Variants in YARS1 observed in about 807,000 individuals in gnomAD.
YARS1 encodes tyrosine--tRNA ligase, cytoplasmic.
A neutral mutation model predicts 62.2 loss-of-function variants in YARS1; 36 were observed. The ratio of observed to expected loss-of-function variants is 0.58; its 90% CI spans 0.44 to 0.76. The LOEUF (loss-of-function observed/expected upper bound fraction) is 0.76, where lower values mean the gene tolerates loss of function less well. YARS1 is among the 30% of genes least tolerant of loss of function. The probability of loss-of-function intolerance (pLI) is 0.00; values close to 1 mark genes in which losing one functional copy is unlikely to be tolerated. For missense variants in YARS1, 524 were observed against 639.8 expected (o/e 0.82, Z 1.95); for synonymous variants, 234 against 244.9 (o/e 0.96, Z 0.42).
At chr1:32,780,973 C>T in intron 10 of YARS1, 75 bp downstream of exon 10, 1 of 1,379,908 alleles carries the variant, frequency 7.2e-7, no homozygotes, top group Admixed American at 1.7e-5. Flanking sequence ...CATCTCCAGG[C>T]CACGTTTCCT....
chr1:32,778,019 C>A (rs1652927004), intron 12 of YARS1, among the ~76,000 whole-genome samples: 1 of 151,716 alleles, frequency 6.6e-6, no homozygotes, highest in African/African-American at 2.4e-5. Context: ...GCCTAGAAAA[C>A]CAGGAAAGGA....
At chr1:32,787,119 G>A in intron 6 of YARS1, 44 bp from the exon 7 acceptor site, 1 of 1,612,400 alleles carries the variant, frequency 6.2e-7, no homozygotes, top group South Asian at 1.1e-5. Context: ...GGTTGAAAAT[G>A]AGAATATGCT....
chr1:32,778,152 C>T (rs1362156582), intron 12 of YARS1, among the ~76,000 whole-genome samples: 2 of 152,172 alleles, frequency 1.3e-5, no homozygotes, highest in African/African-American at 4.8e-5. Context: ...AAGAGTCACC[C>T]ATGAGTGTTA....
chr1:32,803,188 C>A lies in YARS1; in HGVS notation c.510+3294G>T, dbSNP rs138075733. Among the ~76,000 whole-genome samples, 226 of 151,634 alleles carry A rather than the reference C, an allele frequency of 1.5e-3. 2 individuals are homozygous for A. The highest frequency in any genetic ancestry group is 2.7e-3 in the Non-Finnish European group (182 of 67,908). On this transcript the variant is annotated intron_variant, in intron 4 of 12. Transcript: ENST00000373477. ...TAGAGACGGGGTTTTACTATGATGG[C>A]CAGGCTGGTCTCGAACTCCTGACCT...
chr1:32,788,387 A>C (rs1374193046), intron 6 of YARS1, among the ~76,000 whole-genome samples: 1 of 152,100 alleles, frequency 6.6e-6, no homozygotes, highest in Non-Finnish European at 1.5e-5. Flanking sequence ...AGGAGTTAGG[A>C]CTACAGGTGT....
rs771983226 is a variant in YARS1, at chr1:32,811,057, C to A, written c.58G>T (p.Glu20Ter). Residue 20 changes from glutamate (E) to a stop codon, truncating the protein, a stop_gained and splice_region_variant, in exon 2 of 13, where the codon GAG becomes TAG. Transcript: ENST00000373477. LOFTEE classifies it high-confidence loss of function. ...KLHLITRNLQ[E>*]VLGEEKLKEI... ...TTCAGCTTCTCTTCCCCCAGAACCT[C>A]CTATTGTGGAAGCAGAAGAGTTAGT... The A allele has an allele frequency of 5.0e-6, 8 of 1,614,132 alleles. No homozygotes were observed. The highest frequency in any genetic ancestry group is 1.1e-5 in the South Asian group (1 of 91,078).
chr1:32,803,715 A>G, intron 4 of YARS1, among the ~76,000 whole-genome samples: 1 of 151,026 alleles, frequency 6.6e-6, no homozygotes, highest in South Asian at 2.1e-4. Flanking sequence ...CTTCTACATC[A>G]GGGCTTGCTG....
intron 5 of YARS1, among the ~76,000 whole-genome samples, chr1:32,795,243 C>G (rs999767867): frequency 1.3e-5 from 2 of 151,450 alleles, no homozygotes; most frequent in Non-Finnish European, 2.9e-5. Context: ...GGCGTGAACC[C>G]GGGAGGTGGA....
At chr1:32,815,050 C>G (rs940899493) in intron 1 of YARS1, among the ~76,000 whole-genome samples, 1 of 152,112 alleles carries the variant, frequency 6.6e-6, no homozygotes, top group Non-Finnish European at 1.5e-5. Flanking sequence ...CATTACTTAG[C>G]CTTTAAAACC....
chr1:32,806,740 T>C, intron 3 of YARS1, 129 bp from the exon 4 acceptor site: 2 of 1,272,320 alleles, frequency 1.6e-6, no homozygotes, highest in South Asian at 2.6e-5. Flanking sequence ...TAAAAATATA[T>C]TTTAATCACC....
At chr1:32,797,515 T>C (rs1243452651) in intron 5 of YARS1, 1 of 561,612 alleles carries the variant, frequency 1.8e-6, no homozygotes, top group Admixed American at 3.1e-5. Context: ...CGGGAGCAGC[T>C]TCCTGGTTGT....
chr1:32,780,244 A>C lies in YARS1; in HGVS notation c.1175T>G (p.Ile392Ser), dbSNP rs749411607. The C allele has an allele frequency of 1.9e-6, 3 of 1,614,100 alleles. No individual in the cohort carries two copies. Among genetic ancestry groups the C allele is most frequent in the Non-Finnish European group, 2.5e-6 (3 of 1,180,028 alleles). Residue 392 changes from isoleucine (I) to serine (S), a missense_variant, in exon 11 of 13, where the codon ATT becomes AGT. Physicochemically the swap from Ile to Ser is moderately radical, Grantham distance 142. Transcript: ENST00000373477. The stretch of plus-strand genomic sequence containing the variant: ...CCGTGGTTCAGCTTCCCCCACGTCA[A>C]TCTTCTCTACATACAGGCTGTCTGC... The part of the protein sequence containing the change: ...PDADSLYVEK[I>S]DVGEAEPRTV...
At chr1:32,800,608 T>TG (rs1363611660) in intron 4 of YARS1, among the ~76,000 whole-genome samples, 1 of 151,952 alleles carries the variant, frequency 6.6e-6, no homozygotes, top group African/African-American at 2.4e-5. Flanking sequence ...TTTTTGGAGA[T>TG]GGAGTCTTGC....
Position 32,805,236 on chromosome 1 carries a change from AGGGGGAG to A in YARS1, c.510+1239_510+1245del, listed in dbSNP as rs1437565091. 5.3e-4 allele frequency among the ~76,000 whole-genome samples: 4 copies of A among 7,542 alleles called. No homozygotes were observed. The East Asian group carries it at 0.021, about 39-fold the overall frequency. The allele number at this position is 7,542 out of a possible 152,430, so 4.9% of individuals were successfully genotyped here. ...GACGGTGGAAAGGGGAGAGGGGGAGAGGGGGAGAGGGGGAGAGGGGGAGAGGGGGAGA... is the reference window on the plus strand; with the variant it reads ...GACGGTGGAAAGGGGAGAGGGGGAGAAGGGGGAGAGGGGGAGAGGGGGAGA... On this transcript the variant is annotated intron_variant, in intron 4 of 12. Transcript: ENST00000373477.
chr1:32,781,783 T>C (rs1240704274), intron 9 of YARS1: 1 of 161,870 alleles, frequency 6.2e-6, no homozygotes, highest in African/African-American at 2.4e-5. Context: ...TATATACCGG[T>C]TGGGTATAAT....
chr1:32,805,544 C>A (rs746687270), intron 4 of YARS1, among the ~76,000 whole-genome samples: 1 of 152,180 alleles, frequency 6.6e-6, no homozygotes, highest in Non-Finnish European at 1.5e-5. Context: ...GAATTTCCTT[C>A]AAGAACTTTC....
chr1:32,778,413 TTCA>T (rs1256598090), intron 12 of YARS1, among the ~76,000 whole-genome samples: 2 of 103,442 alleles, frequency 1.9e-5, no homozygotes, highest in African/African-American at 3.3e-5. Flanking sequence ...CTTTCTTTCT[TTCA>T]TTTTTTTTTT....
intron 3 of YARS1, among the ~76,000 whole-genome samples, chr1:32,808,206 C>T (rs1358937024): frequency 6.6e-6 from 1 of 150,948 alleles, no homozygotes; most frequent in Non-Finnish European, 1.5e-5. Flanking sequence ...ATCCAGCAAC[C>T]CCCACTCCCC....
chr1:32,795,002 CAAAA>C (rs71278770), intron 5 of YARS1, among the ~76,000 whole-genome samples: 2 of 22,868 alleles, frequency 8.7e-5, no homozygotes, highest in Non-Finnish European at 7.7e-5. Flanking sequence ...GACTCTGTCT[CAAAA>C]AAAAAAAAAA....
Sources: allele counts gnomAD v4.1 joint callset (sites outside exome capture counted in the v4.1 genomes callset), GRCh38; gene constraint gnomAD v4.1.1; transcripts MANE v1.5; gene names NCBI Gene and HGNC (gene_info 2026-07-23, HGNC 2026-07-21).